The following TTC21B variants were observed in gnomAD, a reference collection of about 807,000 sequenced individuals.
The protein encoded by TTC21B is tetratricopeptide repeat protein 21B.
A neutral mutation model predicts 175.1 loss-of-function variants in TTC21B; 127 were observed. That is an observed-to-expected ratio of 0.73 (90% CI 0.63 to 0.84). The LOEUF is 0.84. TTC21B is among the 40% of genes least tolerant of loss of function. The probability of loss-of-function intolerance (pLI) is 0.00; values close to 1 mark genes in which losing one functional copy is unlikely to be tolerated. For synonymous variants in TTC21B, 524 were observed against 524.5 expected, an observed-to-expected ratio of 1.00 and a Z score of 0.01; for missense variants, 1,561 against 1,558.3, an observed-to-expected ratio of 1.00 and a Z score of -0.03.
rs759593716 is a variant in TTC21B at position 165,901,816 on chromosome 2, G to A, written c.2663C>T (p.Ala888Val). 1 of 1,613,850 alleles carries A rather than the reference G, an allele frequency of 6.2e-7. No homozygotes were observed. The highest frequency in any genetic ancestry group is 8.5e-7 in the Non-Finnish European group (1 of 1,179,950). The change falls in exon 20 of 29, where the codon GCA becomes GTA. Residue 888 changes from alanine to valine, a missense_variant. Coordinates refer to ENST00000243344, the MANE Select transcript of TTC21B (RefSeq NM_024753.5). ...AQKHLAAEICAEIAKHSVAQR... is the reference protein window; with the variant it reads ...AQKHLAAEICVEIAKHSVAQR... ...AGCAACAGAATGTTTTGCAATCTCT[G>A]CACAAATTTCAGCTGCTAAATGTTT... is the stretch of plus-strand genomic sequence containing the variant.
intron 26 of TTC21B, 55 bp from the exon 27 acceptor site, chr2:165,880,854 T>C (rs1684812673): frequency 6.4e-6 from 10 of 1,573,566 alleles, no homozygotes; most frequent in South Asian, 3.4e-5. Flanking sequence ...TAAGATTTTA[T>C]GGGATGTTTG....
chr2:165,911,864 C>T (rs538933184), intron 17 of TTC21B, among the ~76,000 whole-genome samples: 48 of 152,176 alleles, frequency 3.2e-4, no homozygotes, highest in East Asian at 1.2e-3. Context: ...GGGGTTTCAC[C>T]ATGTTGGCCA....
rs1307821613 is a variant in TTC21B at position 165,881,069 on chromosome 2, C to T, written c.3685-270G>A. Among the ~76,000 whole-genome samples, 9 of 152,208 alleles carry T rather than the reference C, an allele frequency of 5.9e-5. No homozygotes were observed. The East Asian group carries it at 1.7e-3, about 29-fold the overall frequency. On this transcript the variant is annotated intron_variant, in intron 26 of 28. Transcript: ENST00000243344. ...CTTGTGTTTTACACAAGCACAGGTA[C>T]ACTATTATGAGTGATTTAAACACAT...
intron 6 of TTC21B, among the ~76,000 whole-genome samples, chr2:165,933,555 TAAG>T (rs1410487003): frequency 6.6e-6 from 1 of 152,094 alleles, no homozygotes; most frequent in Non-Finnish European, 1.5e-5. Flanking sequence ...GGCATAAACT[TAAG>T]AAATGTGCAA....
Position 165,943,329 on chromosome 2 carries a change from T to C in TTC21B, c.442A>G (p.Lys148Glu), listed in dbSNP as rs1687438224. 1 of 1,607,250 alleles carries C rather than the reference T, an allele frequency of 6.2e-7. No individual in the cohort carries two copies. The highest frequency in any genetic ancestry group is 1.7e-5 in the Admixed American group (1 of 59,928). ...SDGSKQGHVL[K>E]AWLDITRGKE... is the part of the protein sequence containing the mutation. ...CCTCTTGTAATATCAAGCCATGCTT[T>C]CAAAACGTGTCCCTGTAAAATGAAT... Residue 148 changes from lysine (K) to glutamate (E), a missense_variant, in exon 5 of 29, where the codon AAA (lysine) becomes GAA (glutamate). By Grantham distance (56) the Lys-to-Glu change is moderately conservative. Coordinates refer to ENST00000243344, the MANE Select transcript of TTC21B (RefSeq NM_024753.5).
chr2:165,897,141 C>G (rs1685395287), intron 22 of TTC21B, among the ~76,000 whole-genome samples: 1 of 152,164 alleles, frequency 6.6e-6, no homozygotes, highest in African/African-American at 2.4e-5. Flanking sequence ...CTTTTCATTT[C>G]TTTTACAGAG....
intron 6 of TTC21B, among the ~76,000 whole-genome samples, chr2:165,935,896 T>C (rs887805843): frequency 2.6e-5 from 4 of 152,200 alleles, no homozygotes; most frequent in Admixed American, 2.6e-4. Flanking sequence ...CAATTTGATC[T>C]GTAAACTAAC....
chr2:165,920,510 C>T (rs1686348258), intron 12 of TTC21B, among the ~76,000 whole-genome samples: 1 of 152,080 alleles, frequency 6.6e-6, no homozygotes, highest in Admixed American at 6.5e-5. Context: ...ACACTCAAAA[C>T]TGCACAGGTA....
intron 22 of TTC21B, among the ~76,000 whole-genome samples, chr2:165,898,042 C>T (rs945118038): frequency 2.0e-5 from 3 of 152,058 alleles, no homozygotes; most frequent in East Asian, 3.9e-4. Flanking sequence ...AAATCCTTCA[C>T]AGAAAATTTG....
intron 19 of TTC21B, among the ~76,000 whole-genome samples, chr2:165,902,867 G>T (rs1229843860): frequency 6.6e-6 from 1 of 152,158 alleles, no homozygotes; most frequent in African/African-American, 2.4e-5. Flanking sequence ...TACACATCAA[G>T]ATGTTGTCCT....
chr2:165,953,709 T>C lies in TTC21B; in HGVS notation c.-4A>G. 6 of 1,499,630 alleles carry C rather than the reference T, an allele frequency of 4.0e-6. No homozygotes were observed. The highest frequency in any genetic ancestry group is 5.3e-6 in the Non-Finnish European group (6 of 1,128,266). The allele number at this position is 1,499,630 out of a possible 1,614,324, so 92.9% of individuals were successfully genotyped here. A position where few individuals can be genotyped will look rare whatever the true frequency, so the allele number is the denominator to read the frequency against. ...CCTTCAATTCCTGCGAGTCCATGGC[T>C]GCCCCGAGGCCGGGCCGCGGGGCTC... On this transcript the variant is annotated 5_prime_UTR_variant, in exon 1 of 29. Coordinates refer to ENST00000243344, the MANE Select transcript of TTC21B (RefSeq NM_024753.5).
At chr2:165,880,824 T>C (rs770525485) in intron 26 of TTC21B, 25 bp from the exon 27 acceptor site, 10 of 1,608,092 alleles carry the variant, frequency 6.2e-6, no homozygotes, top group South Asian at 3.3e-5. Context: ...GAGACATCAA[T>C]AGATTAAACT....
Position 165,940,912 on chromosome 2 carries a change from ACT to A in TTC21B, c.710+113_710+114del, listed in dbSNP as rs1350227046. The stretch of plus-strand genomic sequence containing the variant: ...ATTTTAAGTATTTCCTCGGTTCCAC[ACT>A]GTTTGAAAAAAATCAAATTTAAAAA... On this transcript the variant is annotated intron_variant, in intron 6 of 28. Transcript: ENST00000243344. 4.5e-6 allele frequency: 5 copies of A among 1,112,672 alleles called. No homozygotes were observed. In the African/African-American group the frequency reaches 4.7e-5, roughly 10 times the overall value. 68.9% of individuals were successfully genotyped at this position (1,112,672 alleles called of 1,614,324 possible). A position where few individuals can be genotyped will look rare whatever the true frequency, so the allele number is the denominator to read the frequency against.
intron 18 of TTC21B, 139 bp downstream of exon 18, chr2:165,911,188 G>C: frequency 1.3e-5 from 13 of 1,039,806 alleles, no homozygotes; most frequent in Non-Finnish European, 1.7e-5. Context: ...GTGGCATTCT[G>C]ATAAAAGAAA....
chr2:165,934,583 G>T (rs1400778507), intron 6 of TTC21B, among the ~76,000 whole-genome samples: 1 of 118,834 alleles, frequency 8.4e-6, no homozygotes, highest in East Asian at 2.5e-4. Flanking sequence ...ATTGAAAACT[G>T]AGGAGAGAAT....
chr2:165,926,477 C>A (rs74718838), intron 11 of TTC21B, among the ~76,000 whole-genome samples: 1 of 152,120 alleles, frequency 6.6e-6, no homozygotes, highest in Non-Finnish European at 1.5e-5. Context: ...CTCCTCCTCA[C>A]CCTGCCCCAG....
chr2:165,923,442 CT>C (rs772438655), intron 12 of TTC21B, among the ~76,000 whole-genome samples: 225 of 130,324 alleles, frequency 1.7e-3, no homozygotes, highest in Middle Eastern at 3.8e-3. Context: ...ATATGATGGT[CT>C]TTTTTTTTTT....
At chr2:165,927,281 TATATCCTAGTAGTTATATA>T in intron 11 of TTC21B, among the ~76,000 whole-genome samples, 1 of 104,490 alleles carries the variant, frequency 9.6e-6, no homozygotes, top group African/African-American at 4.1e-5. Flanking sequence ...TATATATATA[TATATCCTAGTAGTTATATA>T]TATATATTAT....
chr2:165,940,487 C>A (rs1224291615), intron 6 of TTC21B, among the ~76,000 whole-genome samples: 1 of 152,140 alleles, frequency 6.6e-6, no homozygotes, highest in Non-Finnish European at 1.5e-5. Context: ...TTACTCCTTC[C>A]CACTCCTCAA....
Sources: allele counts gnomAD v4.1 joint callset (sites outside exome capture counted in the v4.1 genomes callset), GRCh38; gene constraint gnomAD v4.1.1; transcripts MANE v1.5; gene names NCBI Gene and HGNC (gene_info 2026-07-23, HGNC 2026-07-21).